Variants in PRR16 observed in about 807,000 individuals in gnomAD.
PRR16 encodes the protein protein Largen.
Under a neutral mutation model 18.2 loss-of-function variants are expected in PRR16, and 6 were observed. That is an observed-to-expected ratio of 0.33 (90% CI 0.18 to 0.65). PRR16 has a LOEUF of 0.65. Among genes scored for constraint, PRR16 ranks in the 30% least tolerant of loss-of-function variants. The pLI, the probability that PRR16 is intolerant of heterozygous loss-of-function variation, is 0.74. For missense variants in PRR16, 412 were observed against 376.6 expected (o/e 1.09, Z -0.78); for synonymous variants, 151 against 147.8 (o/e 1.02, Z -0.16).
intron 1 of PRR16, among the ~76,000 whole-genome samples, chr5:120,670,135 A>G (rs945712002): frequency 1.3e-5 from 2 of 152,130 alleles, no homozygotes; most frequent in Admixed American, 6.6e-5. Flanking sequence ...TTGGTTTTAC[A>G]GTTTTCATAT....
chr5:120,739,890 A>AT, the PRR16 span, among the ~76,000 whole-genome samples: 6,788 of 152,236 alleles, frequency 0.045, 410 homozygotes, highest in African/African-American at 0.14. Context: ...CTTCAAATAA[A>AT]TTACTGAAAT....
chr5:120,754,387 T>TTA, the PRR16 span, among the ~76,000 whole-genome samples: 48,984 of 73,336 alleles, frequency 0.67, 17,136 homozygotes, highest in East Asian at 0.83. Context: ...AACATATATA[T>TTA]TATATGTTAT....
chr5:120,735,999 T>C, the PRR16 span, among the ~76,000 whole-genome samples: 1 of 152,170 alleles, frequency 6.6e-6, no homozygotes, highest in Non-Finnish European at 1.5e-5. Flanking sequence ...GTGTACACCA[T>C]GGAAGGTAAG....
intron 1 of PRR16, among the ~76,000 whole-genome samples, chr5:120,563,217 C>T (rs1752629925): frequency 6.6e-6 from 1 of 152,170 alleles, no homozygotes. Context: ...CACTGGGTCT[C>T]ACCAAGGCCT....
intron 1 of PRR16, among the ~76,000 whole-genome samples, chr5:120,519,586 A>G (rs1283879211): frequency 6.6e-6 from 1 of 152,160 alleles, no homozygotes; most frequent in African/African-American, 2.4e-5. Context: ...ACATCATATG[A>G]TGTTAAAAGG....
At chr5:120,534,081 G>A (rs1464547220) in intron 1 of PRR16, among the ~76,000 whole-genome samples, 1 of 152,126 alleles carries the variant, frequency 6.6e-6, no homozygotes, top group Non-Finnish European at 1.5e-5. Flanking sequence ...TGGAGATTGA[G>A]TTGCTTATTA....
chr5:120,630,418 C>T (rs1029701491), intron 1 of PRR16, among the ~76,000 whole-genome samples: 13 of 152,188 alleles, frequency 8.5e-5, no homozygotes, highest in Admixed American at 3.3e-4. Flanking sequence ...TCATCCTAAG[C>T]TTTGAAATCA....
chr5:120,708,004 AC>A, the PRR16 span, among the ~76,000 whole-genome samples: 13 of 152,328 alleles, frequency 8.5e-5, no homozygotes, highest in East Asian at 2.5e-3. Flanking sequence ...GAATGAAAAA[AC>A]AAAAGTATAA....
At chr5:120,773,666 C>G in the PRR16 span, among the ~76,000 whole-genome samples, 1 of 151,998 alleles carries the variant, frequency 6.6e-6, no homozygotes, top group Non-Finnish European at 1.5e-5. Context: ...ATGGCTATCT[C>G]TCTGCCAGAC....
At chr5:120,618,543 C>T (rs1754586608) in intron 1 of PRR16, 1 of 952,070 alleles carries the variant, frequency 1.1e-6, no homozygotes, top group South Asian at 4.9e-5. Context: ...TATTTATCTT[C>T]TCAATCAAAT....
chr5:120,629,131 G>T (rs560895530), intron 1 of PRR16, among the ~76,000 whole-genome samples: 1 of 151,990 alleles, frequency 6.6e-6, no homozygotes, highest in African/African-American at 2.4e-5. Context: ...AGAACATGTC[G>T]TATTTGGTTT....
the PRR16 span, among the ~76,000 whole-genome samples, chr5:120,792,713 T>A: frequency 1.3e-5 from 2 of 152,182 alleles, no homozygotes; most frequent in South Asian, 4.1e-4. Flanking sequence ...CTATGGGACA[T>A]GAATTATGCA....
intron 1 of PRR16, among the ~76,000 whole-genome samples, chr5:120,673,789 TA>T (rs1756696243): frequency 6.6e-6 from 1 of 150,744 alleles, no homozygotes; most frequent in Non-Finnish European, 1.5e-5. Context: ...AAATAAAAAA[TA>T]AAAAACAAAA....
At chr5:120,662,846 G>C (rs1267724981) in intron 1 of PRR16, among the ~76,000 whole-genome samples, 1 of 152,194 alleles carries the variant, frequency 6.6e-6, no homozygotes, top group South Asian at 2.1e-4. Flanking sequence ...GGGGACCTTG[G>C]GGGCAGGAAT....
chr5:120,693,677 A>G, the PRR16 span, among the ~76,000 whole-genome samples: 1 of 152,114 alleles, frequency 6.6e-6, no homozygotes, highest in African/African-American at 2.4e-5. Context: ...TATTTACTCA[A>G]TGTTTTGCTT....
chr5:120,604,765 T>C (rs1279342506), intron 1 of PRR16, among the ~76,000 whole-genome samples: 1 of 152,208 alleles, frequency 6.6e-6, no homozygotes, highest in African/African-American at 2.4e-5. Flanking sequence ...TTGTCTGAAA[T>C]GGATTTTATT....
intron 1 of PRR16, among the ~76,000 whole-genome samples, chr5:120,641,737 A>G (rs1755429044): frequency 6.6e-6 from 1 of 152,130 alleles, no homozygotes; most frequent in African/African-American, 2.4e-5. Flanking sequence ...AAAATGTTCC[A>G]GGGACAAATC....
rs552204991 is a variant in PRR16 at position 120,637,261 on chromosome 5, T to C, written c.160-48693T>C. On this transcript the variant is annotated intron_variant, in intron 1 of 1. Transcript: ENST00000407149. ...AAGTACAAAAAGTAGATCTATCATT[T>C]GATTCAGCAATCCTGCTACTAGGTA... is the stretch of plus-strand genomic sequence containing the variant. Among the ~76,000 whole-genome samples the C allele has an allele frequency of 5.8e-4, 84 of 144,470 alleles. 1 individual carries two copies. The highest frequency in any genetic ancestry group is 2.5e-4 in the Non-Finnish European group (17 of 67,292). The allele number at this position is 144,470 out of a possible 152,430, so 94.8% of individuals were successfully genotyped here. A position where few individuals can be genotyped will look rare whatever the true frequency, so the allele number is the denominator to read the frequency against.
At chr5:120,559,045 A>G (rs1454498532) in intron 1 of PRR16, among the ~76,000 whole-genome samples, 3 of 151,516 alleles carry the variant, frequency 2.0e-5, no homozygotes, top group Non-Finnish European at 4.4e-5. Flanking sequence ...GTTGTCAATT[A>G]TTTGTCAGAT....
Sources: gnomAD v4.1 joint callset for allele counts (sites outside exome capture counted in the v4.1 genomes callset) on GRCh38, gnomAD v4.1.1 for gene constraint, MANE v1.5 for transcripts, NCBI Gene and HGNC (gene_info 2026-07-23, HGNC 2026-07-21) for gene names.